The following TRAPPC13 variants were observed in gnomAD, a reference collection of about 807,000 sequenced individuals.
TRAPPC13 encodes the protein trafficking protein particle complex subunit 13.
In TRAPPC13, 39 loss-of-function variants were observed where a neutral mutation model predicts 54.0. The ratio of observed to expected loss-of-function variants is 0.72; its 90% CI spans 0.56 to 0.94. TRAPPC13 has a LOEUF of 0.94. Ranked by LOEUF, TRAPPC13 falls within the 40% of genes least tolerant of loss-of-function variation. The pLI is 0.00. For synonymous variants in TRAPPC13, 148 were observed against 167.7 expected, an observed-to-expected ratio of 0.88 and a Z score of 0.91; for missense variants, 386 against 488.1, an observed-to-expected ratio of 0.79 and a Z score of 1.97.
In TRAPPC13 at chr5:65,635,367, C is replaced by T; in HGVS notation, c.113C>T (p.Pro38Leu). ...IPVTCEEKDLPGDLFNQLMRD... is the reference protein window; with the variant it reads ...IPVTCEEKDLLGDLFNQLMRD... ...GTAACATGTGAAGAGAAAGACTTAC[C>T]TGGTATGGCACATGCTTTCCTCTAT... The change falls in exon 2 of 13, where the codon CCT becomes CTT. Residue 38 changes from proline to leucine, a missense_variant and splice_region_variant. By Grantham distance (98) the Pro-to-Leu change is moderately conservative. Transcript: ENST00000399438. 6.2e-7 allele frequency: 1 copy of T among 1,612,422 alleles called. No individual in the cohort carries two copies. Among genetic ancestry groups the T allele is most frequent in the Non-Finnish European group, 8.5e-7 (1 of 1,178,804 alleles).
Position 65,646,227 on chromosome 5 carries a change from G to GA in TRAPPC13, c.301-822dup, listed in dbSNP as rs1223606466. 3.3e-5 allele frequency among the ~76,000 whole-genome samples: 5 copies of GA among 151,740 alleles called. No homozygotes were observed. In the East Asian group the frequency reaches 9.6e-4, roughly 29 times the overall value. ...ACAGAGTGATAAATGTTCAAAAGGAGAAAAAAGAAATATAATGGAGCATCA... is the reference window on the plus strand; with the variant it reads ...ACAGAGTGATAAATGTTCAAAAGGAGAAAAAAAGAAATATAATGGAGCATCA... On this transcript the variant is annotated intron_variant, in intron 4 of 12. Coordinates refer to ENST00000399438, the MANE Select transcript of TRAPPC13 (RefSeq NM_024941.4).
At chr5:65,630,383 A>G in intron 1 of TRAPPC13, 4 of 1,440,834 alleles carry the variant, frequency 2.8e-6, no homozygotes, top group Non-Finnish European at 2.7e-6. Context: ...GAATGAAATG[A>G]ATATGGATTG....
intron 7 of TRAPPC13, among the ~76,000 whole-genome samples, chr5:65,653,243 G>A (rs1756536948): frequency 6.6e-6 from 1 of 150,880 alleles, no homozygotes; most frequent in Non-Finnish European, 1.5e-5. Context: ...CAGATCTCTT[G>A]CTAGCCCTCT....
chr5:65,658,360 A>G lies in TRAPPC13; in HGVS notation c.565-8A>G, dbSNP rs1416047288. 6.3e-7 allele frequency: 1 copy of G among 1,583,660 alleles called. No individual in the cohort carries two copies. Among genetic ancestry groups the G allele is most frequent in the Non-Finnish European group, 8.6e-7 (1 of 1,165,910 alleles). ...ACACCTTGGTGGATATTTTTTTCATATCCTCAGACTGATGAAGTATTTCTG... is the reference window on the plus strand; with the variant it reads ...ACACCTTGGTGGATATTTTTTTCATGTCCTCAGACTGATGAAGTATTTCTG... On this transcript the variant is annotated splice_polypyrimidine_tract_variant and splice_region_variant and intron_variant, in intron 8 of 12. Coordinates refer to ENST00000399438, the MANE Select transcript of TRAPPC13 (RefSeq NM_024941.4).
chr5:65,636,292 C>T (rs116269930), intron 3 of TRAPPC13, among the ~76,000 whole-genome samples: 4,977 of 151,776 alleles, frequency 0.033, 271 homozygotes, highest in African/African-American at 0.11. Flanking sequence ...TACAGGCGTG[C>T]GCACCGCTCT....
At chr5:65,628,966 C>T (rs1012190633) in intron 1 of TRAPPC13, among the ~76,000 whole-genome samples, 3 of 151,856 alleles carry the variant, frequency 2.0e-5, no homozygotes, top group Non-Finnish European at 4.4e-5. Flanking sequence ...TACAGGCATG[C>T]GCCACCACAC....
At chr5:65,652,317 A>G (rs1201692526) in intron 6 of TRAPPC13, among the ~76,000 whole-genome samples, 184 bp from the exon 7 acceptor site, 2 of 147,476 alleles carry the variant, frequency 1.4e-5, no homozygotes, top group Non-Finnish European at 3.0e-5. Context: ...CAAAAAATAC[A>G]TTAGGGATTC....
intron 4 of TRAPPC13, among the ~76,000 whole-genome samples, chr5:65,642,750 T>G (rs186579865): frequency 6.6e-6 from 1 of 152,288 alleles, no homozygotes; most frequent in East Asian, 1.9e-4. Flanking sequence ...AGCCTCCACC[T>G]CCAAGGTTCA....
chr5:65,635,360 G>A lies in TRAPPC13; in HGVS notation c.106G>A (p.Asp36Asn), dbSNP rs377189632. The A allele has an allele frequency of 1.7e-5, 27 of 1,612,908 alleles. No homozygotes were observed. Among genetic ancestry groups the A allele is most frequent in the Non-Finnish European group, 2.3e-5 (27 of 1,179,312 alleles). ...TNIPVTCEEKDLPGDLFNQLM... is the reference protein window; with the variant it reads ...TNIPVTCEEKNLPGDLFNQLM... The stretch of plus-strand genomic sequence containing the variant: ...TATCCCAGTAACATGTGAAGAGAAA[G>A]ACTTACCTGGTATGGCACATGCTTT... The change falls in exon 2 of 13, where the codon GAC becomes AAC. Residue 36 changes from aspartate to asparagine, a missense_variant. Physicochemically the swap from Asp to Asn is conservative, Grantham distance 23. Coordinates refer to ENST00000399438, the MANE Select transcript of TRAPPC13 (RefSeq NM_024941.4).
intron 4 of TRAPPC13, among the ~76,000 whole-genome samples, chr5:65,638,838 C>G (rs777900193): frequency 3.9e-5 from 6 of 152,184 alleles, no homozygotes; most frequent in Non-Finnish European, 7.3e-5. Context: ...AATCCTAGCA[C>G]TTTGGGAGGC....
Position 65,635,289 on chromosome 5 carries a change from T to C in TRAPPC13, c.47-12T>C. On this transcript the variant is annotated splice_polypyrimidine_tract_variant and intron_variant, in intron 1 of 12. Transcript: ENST00000399438. Reference sequence around the variant, plus strand: ...TTAATGTTTTGTTTTCTTTTACTTTTTTACTTCACAGTGATGCGGCTGACT... The same window carrying C: ...TTAATGTTTTGTTTTCTTTTACTTTCTTACTTCACAGTGATGCGGCTGACT... 6.2e-7 allele frequency: 1 copy of C among 1,612,522 alleles called. No homozygotes were observed. Among genetic ancestry groups the C allele is most frequent in the Non-Finnish European group, 8.5e-7 (1 of 1,178,864 alleles).
chr5:65,653,134 C>CAAAAA (rs56915791), intron 7 of TRAPPC13, among the ~76,000 whole-genome samples: 1 of 114,220 alleles, frequency 8.8e-6, no homozygotes, highest in Non-Finnish European at 1.8e-5. Flanking sequence ...AGAACTTGCC[C>CAAAAA]AAAAAAAAAA....
intron 4 of TRAPPC13, among the ~76,000 whole-genome samples, chr5:65,642,336 T>G (rs906048150): frequency 6.6e-6 from 1 of 151,634 alleles, no homozygotes; most frequent in Non-Finnish European, 1.5e-5. Context: ...AAAAAAAAAA[T>G]TTCTTGTATT....
At chr5:65,634,854 G>T (rs928813874) in intron 1 of TRAPPC13, 15 of 413,912 alleles carry the variant, frequency 3.6e-5, no homozygotes, top group Non-Finnish European at 4.9e-5. Flanking sequence ...AGCCGAGATC[G>T]CACCACTACA....
intron 3 of TRAPPC13, 37 bp from the exon 4 acceptor site, chr5:65,637,659 A>G: frequency 8.1e-7 from 1 of 1,230,018 alleles, no homozygotes; most frequent in African/African-American, 1.6e-5. Flanking sequence ...AAAAAACCTG[A>G]ATGGATTTCT....
At chr5:65,658,746 T>A (rs910646783) in intron 9 of TRAPPC13, among the ~76,000 whole-genome samples, 9 of 151,694 alleles carry the variant, frequency 5.9e-5, no homozygotes, top group Non-Finnish European at 1.2e-4. Context: ...TTATTTATTT[T>A]TTGAAAGAGT....
intron 6 of TRAPPC13, among the ~76,000 whole-genome samples, chr5:65,651,842 G>GTTTTTTTTGT (rs1756457486): frequency 2.4e-5 from 1 of 41,136 alleles, no homozygotes; most frequent in African/African-American, 9.3e-5. Flanking sequence ...ACGTGATTCA[G>GTTTTTTTTGT]TTTTTTTTTT....
chr5:65,647,234 G>A lies in TRAPPC13; in HGVS notation c.428+52G>A, dbSNP rs1010888013. On this transcript the variant is annotated intron_variant, in intron 5 of 12. Transcript: ENST00000399438. ...AAGGTTTTTACTTATATATGCCTTTGTTTGAAATTTTTGCTTTCTTTTCAT... is the reference window on the plus strand; with the variant it reads ...AAGGTTTTTACTTATATATGCCTTTATTTGAAATTTTTGCTTTCTTTTCAT... The A allele has an allele frequency of 9.3e-6, 14 of 1,503,368 alleles. No homozygotes were observed. In the South Asian group the frequency reaches 1.9e-4, roughly 20 times the overall value. 93.1% of individuals were successfully genotyped at this position (1,503,368 alleles called of 1,614,324 possible). A position where few individuals can be genotyped will look rare whatever the true frequency, so the allele number is the denominator to read the frequency against.
chr5:65,626,305 T>C (rs1006275444), intron 1 of TRAPPC13: 1 of 152,246 alleles, frequency 6.6e-6, no homozygotes, highest in African/African-American at 2.4e-5. Flanking sequence ...CCTGCCTCTC[T>C]TTCCAAGAGT....
Sources: allele counts gnomAD v4.1 joint callset (sites outside exome capture counted in the v4.1 genomes callset), GRCh38; gene constraint gnomAD v4.1.1; transcripts MANE v1.5; gene names NCBI Gene and HGNC (gene_info 2026-07-23, HGNC 2026-07-21).